Variants in ANO2 observed in about 807,000 individuals in gnomAD.
ANO2 encodes anoctamin 2, also known as anoctamin-2.
A neutral mutation model predicts 124.2 loss-of-function variants in ANO2; 101 were observed. That is an observed-to-expected ratio of 0.81 (90% CI 0.69 to 0.96). The LOEUF is 0.96. Among genes scored for constraint, ANO2 ranks in the 40% least tolerant of loss-of-function variants. The pLI, the probability that ANO2 is intolerant of heterozygous loss-of-function variation, is 0.00. For synonymous variants in ANO2, 486 were observed against 482.5 expected, an observed-to-expected ratio of 1.01 and a Z score of -0.09; for missense variants, 1,293 against 1,274.5, an observed-to-expected ratio of 1.01 and a Z score of -0.22.
intron 3 of ANO2, among the ~76,000 whole-genome samples, chr12:5,895,716 C>T (rs1288126971): frequency 1.3e-5 from 2 of 151,876 alleles, no homozygotes; most frequent in African/African-American, 4.8e-5. Flanking sequence ...CTATGAAAAA[C>T]AGTATGGAGA....
At chr12:5,609,451 T>C (rs905194101) in intron 19 of ANO2, among the ~76,000 whole-genome samples, 1 of 152,150 alleles carries the variant, frequency 6.6e-6, no homozygotes, top group Admixed American at 6.5e-5. Flanking sequence ...GAAGGGAATG[T>C]TGTGGATTCT....
chr12:5,849,828 C>T (rs148144085), intron 4 of ANO2, among the ~76,000 whole-genome samples: 1 of 152,252 alleles, frequency 6.6e-6, no homozygotes, highest in African/African-American at 2.4e-5. Context: ...ACGCTCCCCT[C>T]GCCGCCAGGA....
At chr12:5,874,216 G>C (rs553570646) in intron 3 of ANO2, among the ~76,000 whole-genome samples, 2 of 152,328 alleles carry the variant, frequency 1.3e-5, no homozygotes, top group East Asian at 3.9e-4. Context: ...GAGCTTCCCA[G>C]CTCTTTCTCC....
chr12:5,839,477 C>T lies in ANO2; in HGVS notation c.634-6874G>A. 7.1e-6 allele frequency: 3 copies of T among 423,856 alleles called. No homozygotes were observed. In the Admixed American group the frequency reaches 7.6e-5, roughly 11 times the overall value. The allele number at this position is 423,856 out of a possible 1,614,324, so 26.3% of individuals were successfully genotyped here. A position where few individuals can be genotyped will look rare whatever the true frequency, so the allele number is the denominator to read the frequency against. ...TGAGCGCTACTCCAGACTCACCTAA[C>T]AAATTATAAAAGAGAGAACTGGACT... On this transcript the variant is annotated intron_variant, in intron 4 of 24. Transcript: ENST00000682330.
At chr12:5,851,321 G>A (rs1954890817) in intron 4 of ANO2, among the ~76,000 whole-genome samples, 1 of 152,198 alleles carries the variant, frequency 6.6e-6, no homozygotes, top group South Asian at 2.1e-4. Flanking sequence ...ATACCAGAGG[G>A]ACCAAAGGCA....
At chr12:5,732,284 C>G (rs767321024) in intron 14 of ANO2, among the ~76,000 whole-genome samples, 1 of 152,126 alleles carries the variant, frequency 6.6e-6, no homozygotes, top group East Asian at 1.9e-4. Flanking sequence ...CTAACCTGCC[C>G]TCCCATTTTG....
At chr12:5,671,988 G>A (rs1948031292) in intron 14 of ANO2, among the ~76,000 whole-genome samples, 1 of 152,144 alleles carries the variant, frequency 6.6e-6, no homozygotes. Context: ...GGTGCCTGTG[G>A]TGTCACACGC....
chr12:5,643,292 T>C (rs908936177), intron 15 of ANO2, among the ~76,000 whole-genome samples: 1 of 152,236 alleles, frequency 6.6e-6, no homozygotes, highest in Non-Finnish European at 1.5e-5. Flanking sequence ...TAGTTGAGTA[T>C]TGTCTCTGAA....
chr12:5,869,772 G>A (rs934968865), intron 3 of ANO2, among the ~76,000 whole-genome samples: 3 of 152,164 alleles, frequency 2.0e-5, no homozygotes, highest in African/African-American at 4.8e-5. Flanking sequence ...TGCTGAGAGT[G>A]TTTTCTGCAA....
chr12:5,790,309 C>T (rs1421044633), intron 10 of ANO2, among the ~76,000 whole-genome samples: 1 of 152,182 alleles, frequency 6.6e-6, no homozygotes, highest in African/African-American at 2.4e-5. Context: ...CTTCCTTTAG[C>T]CCTCTGCCTA....
At chr12:5,648,508 C>T (rs182131507) in intron 14 of ANO2, among the ~76,000 whole-genome samples, 2 of 152,326 alleles carry the variant, frequency 1.3e-5, no homozygotes, top group African/African-American at 4.8e-5. Flanking sequence ...TATCCTGCGA[C>T]AATCGTTATC....
intron 1 of ANO2, among the ~76,000 whole-genome samples, chr12:5,928,264 G>T (rs1942180401): frequency 6.6e-6 from 1 of 152,102 alleles, no homozygotes; most frequent in African/African-American, 2.4e-5. Flanking sequence ...GAAGTATGAA[G>T]GGCCCTGAAA....
intron 22 of ANO2, among the ~76,000 whole-genome samples, chr12:5,577,619 A>T (rs569847405): frequency 6.6e-6 from 1 of 152,362 alleles, no homozygotes; most frequent in African/African-American, 2.4e-5. Context: ...GGAGTAGAGT[A>T]AGAAAGGAAA....
Position 5,565,603 on chromosome 12 carries a change from G to A in ANO2, c.2682C>T (p.Tyr894=), listed in dbSNP as rs774663710. 6 of 1,606,308 alleles carry A rather than the reference G, an allele frequency of 3.7e-6. No individual in the cohort carries two copies. In the South Asian group the frequency reaches 5.6e-5, roughly 15 times the overall value. Residue 894 remains tyrosine (Y), a synonymous_variant, in exon 24 of 25, where the codon TAC becomes TAT. Coordinates refer to ENST00000682330, the MANE Select transcript of ANO2 (RefSeq NM_001364791.2). ...CCAGACGGGCGGACAGAATAAACCA[G>A]TACTGTTTCGAAAACTCATAAGGGT... ...APNPYEFSKQ[Y]WFILSARLAF...
chr12:5,842,961 CAGCAATCAA>C (rs1035363539), intron 4 of ANO2, among the ~76,000 whole-genome samples: 1 of 152,104 alleles, frequency 6.6e-6, no homozygotes, highest in Non-Finnish European at 1.5e-5. Context: ...TCTATTTAAA[CAGCAATCAA>C]AGCAATCAAA....
At chr12:5,659,877 C>T (rs554630449) in intron 14 of ANO2, among the ~76,000 whole-genome samples, 42 of 152,250 alleles carry the variant, frequency 2.8e-4, no homozygotes, top group South Asian at 2.1e-4. Context: ...GGATTGGAGA[C>T]GCCTCTCCCC....
chr12:5,659,698 G>C (rs1947345342), intron 14 of ANO2, among the ~76,000 whole-genome samples: 1 of 152,158 alleles, frequency 6.6e-6, no homozygotes, highest in Non-Finnish European at 1.5e-5. Context: ...TCCCCTCCTG[G>C]GGTCCAGCTC....
intron 10 of ANO2, among the ~76,000 whole-genome samples, chr12:5,776,031 G>A (rs1952224008): frequency 6.6e-6 from 1 of 152,166 alleles, no homozygotes; most frequent in Admixed American, 6.5e-5. Flanking sequence ...ATTTACACGA[G>A]AGTTAATGAA....
At chr12:5,569,837 A>G (rs906783729) in intron 23 of ANO2, among the ~76,000 whole-genome samples, 3 of 152,210 alleles carry the variant, frequency 2.0e-5, no homozygotes, top group Non-Finnish European at 4.4e-5. Context: ...AAATGAACAC[A>G]ACAGTTTCTT....
Sources: gnomAD v4.1 joint callset for allele counts (sites outside exome capture counted in the v4.1 genomes callset) on GRCh38, gnomAD v4.1.1 for gene constraint, MANE v1.5 for transcripts, NCBI Gene and HGNC (gene_info 2026-07-23, HGNC 2026-07-21) for gene names.